The following ADAMTS14 variants were observed in gnomAD, a reference collection of about 807,000 sequenced individuals.
ADAMTS14 encodes the protein ADAM metallopeptidase with thrombospondin type 1 motif 14.
ADAMTS14 carries 100 observed loss-of-function variants against 128.6 expected under a neutral mutation model. The ratio of observed to expected loss-of-function variants is 0.78; its 90% CI spans 0.66 to 0.92. The LOEUF is 0.92. Ranked by LOEUF, ADAMTS14 falls within the 40% of genes least tolerant of loss-of-function variation. The pLI is 0.00. For missense variants in ADAMTS14, 1,562 were observed against 1,658.6 expected (o/e 0.94, Z 1.01); for synonymous variants, 665 against 653.8 (o/e 1.02, Z -0.26).
At chr10:70,711,854 G>A (rs10999476) in intron 4 of ADAMTS14, among the ~76,000 whole-genome samples, 1 of 152,114 alleles carries the variant, frequency 6.6e-6, no homozygotes, top group Non-Finnish European at 1.5e-5. Context: ...GAGCAGCAGA[G>A]TTCTGTCTGC....
intron 13 of ADAMTS14, 89 bp downstream of exon 13, chr10:70,743,770 G>T: frequency 6.9e-7 from 1 of 1,442,584 alleles, no homozygotes; most frequent in Non-Finnish European, 9.2e-7. Context: ...GATGAGCATT[G>T]CCTCACCGGC....
intron 2 of ADAMTS14, among the ~76,000 whole-genome samples, chr10:70,675,199 C>T (rs1257743523): frequency 1.3e-5 from 2 of 152,174 alleles, no homozygotes; most frequent in Admixed American, 1.3e-4. Context: ...TGATGTTCAC[C>T]CCTCGCCTTC....
At chr10:70,683,141 C>T (rs1010976267) in intron 2 of ADAMTS14, among the ~76,000 whole-genome samples, 1 of 152,230 alleles carries the variant, frequency 6.6e-6, no homozygotes, top group Non-Finnish European at 1.5e-5. Flanking sequence ...GGGCCTCAGA[C>T]CCCCCTGCAT....
chr10:70,695,462 C>T (rs977061348), intron 2 of ADAMTS14, among the ~76,000 whole-genome samples: 1 of 152,102 alleles, frequency 6.6e-6, no homozygotes, highest in South Asian at 2.1e-4. Flanking sequence ...TCTTACCTGC[C>T]GTGAATCAGA....
chr10:70,734,172 C>T (rs1841747383), intron 8 of ADAMTS14, 144 bp downstream of exon 8: 1 of 1,079,950 alleles, frequency 9.3e-7, no homozygotes, highest in African/African-American at 1.6e-5. Flanking sequence ...CCAAACCTGG[C>T]CTAAAACATA....
rs189498929 is a variant in ADAMTS14 at position 70,740,951 on chromosome 10, C to A, written c.1749-36C>A. ...ACCTGGCCCTCCCCAGCCTTCCCAG[C>A]CAGCAAGGTCATCCATTTCTCTGTG... On this transcript the variant is annotated intron_variant, in intron 11 of 21. Coordinates refer to ENST00000373207, the MANE Select transcript of ADAMTS14 (RefSeq NM_080722.4). 1.1e-5 allele frequency: 18 copies of A among 1,602,848 alleles called. 1 individual carries two copies. The highest frequency in any genetic ancestry group is 8.4e-5 in the Admixed American group (5 of 59,750).
intron 3 of ADAMTS14, among the ~76,000 whole-genome samples, chr10:70,706,004 A>T (rs1840653887): frequency 6.6e-6 from 1 of 152,226 alleles, no homozygotes; most frequent in Non-Finnish European, 1.5e-5. Flanking sequence ...TGTATTTTCA[A>T]AGCAGCTGCA....
At chr10:70,714,010 G>A (rs1003409623) in intron 4 of ADAMTS14, among the ~76,000 whole-genome samples, 7 of 152,152 alleles carry the variant, frequency 4.6e-5, no homozygotes, top group African/African-American at 1.4e-4. Context: ...CCTGGGCATA[G>A]CAAGTCCCCA....
At position 70,672,713 on chromosome 10, in the gene ADAMTS14, C is replaced by T. The variant is rs1839516735; in HGVS notation, c.-90C>T. The T allele has an allele frequency of 5.2e-6, 7 of 1,342,322 alleles. No individual in the cohort carries two copies. In the East Asian group the frequency reaches 1.3e-4, roughly 24 times the overall value. The allele number at this position is 1,342,322 out of a possible 1,614,324, so 83.2% of individuals were successfully genotyped here. A position where few individuals can be genotyped will look rare whatever the true frequency, so the allele number is the denominator to read the frequency against. On this transcript the variant is annotated 5_prime_UTR_variant, in exon 1 of 22. Coordinates refer to ENST00000373207, the MANE Select transcript of ADAMTS14 (RefSeq NM_080722.4). ...CAGCGGCGGCAGCCAGCCGGTGCTC[C>T]GACAGCCCGGGGCGCACCCTAGCCT...
At chr10:70,701,923 G>A (rs1840504631) in intron 2 of ADAMTS14, among the ~76,000 whole-genome samples, 2 of 152,320 alleles carry the variant, frequency 1.3e-5, no homozygotes, top group South Asian at 2.1e-4. Flanking sequence ...CCCCTGTGAT[G>A]TGCTTCGGGC....
intron 4 of ADAMTS14, among the ~76,000 whole-genome samples, chr10:70,714,946 CAAAAAAAAAAAAAAAAA>C (rs58012076): frequency 0.061 from 3,820 of 63,084 alleles, 222 homozygotes; most frequent in African/African-American, 0.22. Context: ...ACTGCAGTCT[CAAAAAAAAAAAAAAAAA>C]AAAAAAAAAG....
chr10:70,687,240 AC>A (rs1324766495), intron 2 of ADAMTS14, among the ~76,000 whole-genome samples: 18 of 51,922 alleles, frequency 3.5e-4, no homozygotes, highest in African/African-American at 1.2e-3. Context: ...CGGGGGGCTG[AC>A]CCCCCCACCT....
chr10:70,715,109 C>T (rs755303341), intron 4 of ADAMTS14, among the ~76,000 whole-genome samples: 23 of 152,160 alleles, frequency 1.5e-4, no homozygotes, highest in Non-Finnish European at 3.1e-4. Flanking sequence ...CTTACTTAAG[C>T]AGGGTCAAGT....
Position 70,744,153 on chromosome 10 carries a change from G to A in ADAMTS14, c.2146G>A (p.Val716Met), listed in dbSNP as rs1326174451. 20 of 1,549,666 alleles carry A rather than the reference G, an allele frequency of 1.3e-5. No homozygotes were observed. The highest frequency in any genetic ancestry group is 1.7e-5 in the Non-Finnish European group (19 of 1,144,752). Residue 716 changes from valine to methionine, a missense_variant, in exon 14 of 22, where the codon GTG becomes ATG. By Grantham distance (21) the Val-to-Met change is conservative (BLOSUM62 1). Coordinates refer to ENST00000373207, the MANE Select transcript of ADAMTS14 (RefSeq NM_080722.4). Reference sequence around the variant, plus strand: ...GGGTGACAACTCCCACTGCAGGACTGTGAAGGGGACGCTGGGCAAGGCCTC... The same window carrying A: ...GGGTGACAACTCCCACTGCAGGACTATGAAGGGGACGCTGGGCAAGGCCTC... ...CGGDNSHCRT[V>M]KGTLGKASKQ...
At chr10:70,681,913 T>G (rs1839820638) in intron 2 of ADAMTS14, among the ~76,000 whole-genome samples, 2 of 152,222 alleles carry the variant, frequency 1.3e-5, no homozygotes, top group African/African-American at 4.8e-5. Context: ...CCTTGCTGCC[T>G]TGCTGACCTG....
chr10:70,707,217 T>C (rs908522302), intron 3 of ADAMTS14, among the ~76,000 whole-genome samples: 5 of 152,218 alleles, frequency 3.3e-5, no homozygotes, highest in African/African-American at 4.8e-5. Context: ...AGGCCCGGCC[T>C]TTATCACCTA....
chr10:70,718,898 A>G (rs2132640579), intron 4 of ADAMTS14, among the ~76,000 whole-genome samples: 1 of 150,464 alleles, frequency 6.6e-6, no homozygotes, highest in Admixed American at 6.6e-5. Context: ...GTCTTACTAT[A>G]TTACCCAAGC....
chr10:70,706,344 C>T (rs1840666860), intron 3 of ADAMTS14, among the ~76,000 whole-genome samples: 1 of 152,230 alleles, frequency 6.6e-6, no homozygotes. Flanking sequence ...CTCCAGCCTT[C>T]CTGTGACAGG....
intron 13 of ADAMTS14, among the ~76,000 whole-genome samples, 177 bp from the exon 14 acceptor site, chr10:70,743,889 C>T (rs547127537): frequency 2.6e-5 from 4 of 152,178 alleles, no homozygotes; most frequent in South Asian, 4.1e-4. Flanking sequence ...ATCCTCATCA[C>T]GCCGGGTGTA....
Sources: gnomAD v4.1 joint callset for allele counts (sites outside exome capture counted in the v4.1 genomes callset) on GRCh38, gnomAD v4.1.1 for gene constraint, MANE v1.5 for transcripts, NCBI Gene and HGNC (gene_info 2026-07-23, HGNC 2026-07-21) for gene names.